Variants in FAM184B observed in about 807,000 individuals in gnomAD.
FAM184B encodes protein FAM184B.
A neutral mutation model predicts 135.9 loss-of-function variants in FAM184B; 111 were observed. That is an observed-to-expected ratio of 0.82 (90% confidence interval 0.70 to 0.96). FAM184B has a LOEUF of 0.96. Among genes scored for constraint, FAM184B ranks in the 40% least tolerant of loss-of-function variants. FAM184B has a pLI of 0.00. For missense variants in FAM184B, 1,375 were observed against 1,323.9 expected (o/e 1.04, Z -0.60); for synonymous variants, 552 against 524.8 (o/e 1.05, Z -0.71).
chr4:17,690,840 G>A (rs1012019127), intron 6 of FAM184B, among the ~76,000 whole-genome samples: 1 of 152,270 alleles, frequency 6.6e-6, no homozygotes, highest in African/African-American at 2.4e-5. Flanking sequence ...GGACCCACAG[G>A]ACTTGACAAG....
chr4:17,706,038 C>G, intron 3 of FAM184B, 147 bp from the exon 4 acceptor site: 1 of 1,038,772 alleles, frequency 9.6e-7, no homozygotes, highest in Non-Finnish European at 1.4e-6. Flanking sequence ...CTGCTGACCC[C>G]GAAGCATGGT....
intron 10 of FAM184B, among the ~76,000 whole-genome samples, chr4:17,653,930 G>GA (rs1402544369): frequency 1.8e-3 from 248 of 135,760 alleles, no homozygotes; most frequent in Non-Finnish European, 2.8e-3. Context: ...GGGAGGGGGA[G>GA]GGGGATTTGA....
intron 7 of FAM184B, among the ~76,000 whole-genome samples, chr4:17,675,946 A>G (rs1233747560): frequency 6.6e-6 from 1 of 152,186 alleles, no homozygotes; most frequent in Non-Finnish European, 1.5e-5. Flanking sequence ...AACTTTCTCC[A>G]TATCAGCAGT....
At position 17,658,528 on chromosome 4, in the gene FAM184B, G is replaced by GTGCACTGCTCCAGAGCCTGC. The variant is rs1373243964; in HGVS notation, c.1839_1858dup (p.Thr620SerfsTer43). ...CTGCAGGTCCTCCCTGTAGTTGCTG[G>GTGCACTGCTCCAGAGCCTGC]TGCACTGCTCCAGAGCCTGCTGCAT... On this transcript the variant is annotated frameshift_variant, in exon 10 of 18. Coordinates refer to ENST00000265018, the MANE Select transcript of FAM184B (RefSeq NM_015688.2). LOFTEE classifies it high-confidence loss of function. 1.6e-5 allele frequency: 25 copies of GTGCACTGCTCCAGAGCCTGC among 1,551,380 alleles called. No homozygotes were observed. The highest frequency in any genetic ancestry group is 2.2e-5 in the Non-Finnish European group (25 of 1,146,996).
chr4:17,691,685 C>CA (rs56857959), intron 6 of FAM184B, among the ~76,000 whole-genome samples: 275 of 92,258 alleles, frequency 3.0e-3, no homozygotes, highest in East Asian at 4.5e-3. Flanking sequence ...GATTCCATCT[C>CA]AAAAAAAAAA....
chr4:17,638,068 C>G (rs1260336750), intron 14 of FAM184B, among the ~76,000 whole-genome samples: 2 of 151,510 alleles, frequency 1.3e-5, no homozygotes, highest in African/African-American at 4.9e-5. Flanking sequence ...CTTGTTTTGC[C>G]CACCCTTGCC....
intron 1 of FAM184B, among the ~76,000 whole-genome samples, chr4:17,721,400 A>AAAAAAAAAAAAAAAAAAAAAC (rs1393851594): frequency 6.7e-6 from 1 of 149,872 alleles, no homozygotes; most frequent in Non-Finnish European, 1.5e-5. Context: ...AAAAAAAAAA[A>AAAAAAAAAAAAAAAAAAAAAC]AAAAAATCTC....
At chr4:17,761,319 G>T (rs958438994) in intron 1 of FAM184B, among the ~76,000 whole-genome samples, 1 of 152,166 alleles carries the variant, frequency 6.6e-6, no homozygotes, top group African/African-American at 2.4e-5. Flanking sequence ...CTACAAGTCA[G>T]GAAGAGAGAA....
At chr4:17,639,505 G>T in intron 13 of FAM184B, 109 bp from the exon 14 acceptor site, 1 of 1,327,462 alleles carries the variant, frequency 7.5e-7, no homozygotes, top group Non-Finnish European at 1.0e-6. Flanking sequence ...ATCTGGGTGG[G>T]GAGAAATTGT....
chr4:17,653,931 G>A (rs865778885), intron 10 of FAM184B, among the ~76,000 whole-genome samples: 26 of 1,538 alleles, frequency 0.017, no homozygotes, highest in African/African-American at 0.027. Context: ...GGAGGGGGAG[G>A]GGGATTTGAA....
Position 17,642,085 on chromosome 4 carries a change from C to A in FAM184B, c.2490G>T (p.Gln830His). The change falls in exon 13 of 18, where the codon CAG (glutamine) becomes CAT (histidine). Residue 830 changes from glutamine (Q) to histidine (H), a missense_variant. Coordinates refer to ENST00000265018, the MANE Select transcript of FAM184B (RefSeq NM_015688.2). Reference protein sequence around the residue: ...RLRAEVEQHQQEAQKLRDQRR... With the variant: ...RLRAEVEQHQHEAQKLRDQRR... ...GCTGGTCTCGGAGCTTCTGCGCCTC[C>A]TGCTGATGCTGCTCCACCTCCGCGC... The A allele has an allele frequency of 3.9e-6, 6 of 1,532,222 alleles. No individual in the cohort carries two copies. The highest frequency in any genetic ancestry group is 5.2e-6 in the Non-Finnish European group (6 of 1,145,186). The allele number at this position is 1,532,222 out of a possible 1,614,324, so 94.9% of individuals were successfully genotyped here. A position where few individuals can be genotyped will look rare whatever the true frequency, so the allele number is the denominator to read the frequency against.
intron 1 of FAM184B, among the ~76,000 whole-genome samples, chr4:17,744,001 T>C (rs1196216279): frequency 6.6e-6 from 1 of 152,198 alleles, no homozygotes; most frequent in Non-Finnish European, 1.5e-5. Context: ...CCTAATTCAG[T>C]TCCCTGTGGT....
intron 13 of FAM184B, among the ~76,000 whole-genome samples, chr4:17,641,373 C>G (rs1715305525): frequency 6.6e-6 from 1 of 151,530 alleles, no homozygotes; most frequent in African/African-American, 2.4e-5. Context: ...ACTACACCGT[C>G]TCCGTAAGGT....
At chr4:17,684,303 C>T (rs1427950501) in intron 7 of FAM184B, among the ~76,000 whole-genome samples, 1 of 150,704 alleles carries the variant, frequency 6.6e-6, no homozygotes, top group African/African-American at 2.4e-5. Context: ...ATACACTATA[C>T]CTCTGAAAGG....
At chr4:17,660,129 C>CT in intron 8 of FAM184B, 42 bp from the exon 9 acceptor site, 2 of 1,546,482 alleles carry the variant, frequency 1.3e-6, no homozygotes, top group Non-Finnish European at 1.7e-6. Flanking sequence ...GATCCTAGGG[C>CT]TAGGAATGAC....
intron 1 of FAM184B, among the ~76,000 whole-genome samples, chr4:17,726,482 G>C (rs1717641045): frequency 6.6e-6 from 1 of 151,368 alleles, no homozygotes; most frequent in Non-Finnish European, 1.5e-5. Context: ...AGTGACTCTT[G>C]TGCCTCAGCC....
At position 17,659,866 on chromosome 4, in the gene FAM184B, T is replaced by G. The variant is rs560068011; in HGVS notation, c.1824+92A>C. 4 of 1,468,140 alleles carry G rather than the reference T, an allele frequency of 2.7e-6. No homozygotes were observed. The Admixed American group carries it at 6.6e-5, about 24-fold the overall frequency. The allele number at this position is 1,468,140 out of a possible 1,614,324, so 90.9% of individuals were successfully genotyped here. On this transcript the variant is annotated intron_variant, in intron 9 of 17. Transcript: ENST00000265018. ...TCCTGTAATGCCTTCCCAGCTTGGA[T>G]GTGAATCAGGCCCTGCATGCATTTC...
In FAM184B at chr4:17,709,363, G is replaced by A; in HGVS notation, c.423C>T (p.Ala141=). 1 of 1,544,840 alleles carries A rather than the reference G, an allele frequency of 6.5e-7. No homozygotes were observed. The highest frequency in any genetic ancestry group is 8.8e-7 in the Non-Finnish European group (1 of 1,142,522). Reference sequence around the variant, plus strand: ...CCCTGGAGAGCGTGAGGACTCGCTCGGCGTGCTCTGCCTCCACCCTCAGCT... The same window carrying A: ...CCCTGGAGAGCGTGAGGACTCGCTCAGCGTGCTCTGCCTCCACCCTCAGCT... ...ERELRVEAEH[A]ERVLTLSREM... The change falls in exon 2 of 18, where the codon GCC becomes GCT. Residue 141 remains alanine (A), a synonymous_variant. Coordinates refer to ENST00000265018, the MANE Select transcript of FAM184B (RefSeq NM_015688.2).
intron 7 of FAM184B, among the ~76,000 whole-genome samples, chr4:17,679,842 G>C (rs778732643): frequency 6.6e-6 from 1 of 152,120 alleles, no homozygotes; most frequent in African/African-American, 2.4e-5. Flanking sequence ...ATACTACTCA[G>C]CCATAAAAAG....
Sources: allele counts gnomAD v4.1 joint callset (sites outside exome capture counted in the v4.1 genomes callset), GRCh38; gene constraint gnomAD v4.1.1; transcripts MANE v1.5; gene names NCBI Gene and HGNC (gene_info 2026-07-23, HGNC 2026-07-21).